The following TMC5 variants were observed in gnomAD, a reference collection of about 807,000 sequenced individuals.
The protein encoded by TMC5 is transmembrane channel-like protein 5.
Under a neutral mutation model 110.5 loss-of-function variants are expected in TMC5, and 86 were observed. The observed-to-expected ratio is 0.78, with a 90% CI of 0.65 to 0.93. The LOEUF is 0.93. TMC5 is among the 40% of genes least tolerant of loss of function. The probability of loss-of-function intolerance (pLI) is 0.00; values close to 1 mark genes in which losing one functional copy is unlikely to be tolerated. For missense variants in TMC5, 1,144 were observed against 1,222.8 expected, an observed-to-expected ratio of 0.94 and a Z score of 0.96; for synonymous variants, 455 against 439.5, an observed-to-expected ratio of 1.04 and a Z score of -0.44.
chr16:19,453,825 A>C (rs920899817), intron 5 of TMC5, among the ~76,000 whole-genome samples: 1 of 152,092 alleles, frequency 6.6e-6, no homozygotes, highest in Non-Finnish European at 1.5e-5. Context: ...TTGATGAATT[A>C]ATTATGCTGT....
At chr16:19,414,072 C>T (rs900683860), upstream of TMC5, among the ~76,000 whole-genome samples, 21 of 152,168 alleles carry the variant, frequency 1.4e-4, no homozygotes, top group African/African-American at 3.9e-4. Flanking sequence ...ATTCATAACC[C>T]ATCCAATGAC....
At chr16:19,442,317 A>G (rs1361260466) in intron 3 of TMC5, among the ~76,000 whole-genome samples, 1 of 142,076 alleles carries the variant, frequency 7.0e-6, no homozygotes, top group East Asian at 2.1e-4. Flanking sequence ...CGTTGCCAAC[A>G]AAATGTAATT....
intron 17 of TMC5, among the ~76,000 whole-genome samples, chr16:19,488,473 G>A (rs1567326498): frequency 6.6e-6 from 1 of 151,894 alleles, no homozygotes; most frequent in Non-Finnish European, 1.5e-5. Context: ...GGACTCATCT[G>A]GCTCCTCCCA....
chr16:19,427,234 A>C (rs753971128), intron 1 of TMC5, among the ~76,000 whole-genome samples: 79 of 152,324 alleles, frequency 5.2e-4, no homozygotes, highest in Non-Finnish European at 9.7e-4. Context: ...CCAGCGGATC[A>C]CTTGAGGCCA....
At chr16:19,437,448 A>G (rs1216443685) in intron 2 of TMC5, among the ~76,000 whole-genome samples, 1 of 152,226 alleles carries the variant, frequency 6.6e-6, no homozygotes, top group Non-Finnish European at 1.5e-5. Context: ...CAGGGACACA[A>G]TAATGAAACA....
At chr16:19,448,032 A>G (rs1389669262) in intron 4 of TMC5, among the ~76,000 whole-genome samples, 1 of 150,832 alleles carries the variant, frequency 6.6e-6, no homozygotes, top group African/African-American at 2.4e-5. Flanking sequence ...CATTTTCTCC[A>G]TTTCTCCCAG....
rs1484204018 is a variant in TMC5 at position 19,498,803 on chromosome 16, G to A, written c.*837G>A. 1 of 152,202 alleles carries A rather than the reference G, an allele frequency of 6.6e-6. No individual in the cohort carries two copies. The highest frequency in any genetic ancestry group is 1.9e-4 in the East Asian group (1 of 5,182). The allele number at this position is 152,202 out of a possible 1,614,324, so 9.4% of individuals were successfully genotyped here. On this transcript the variant is annotated 3_prime_UTR_variant, in exon 22 of 22. Coordinates refer to ENST00000542583, the MANE Select transcript of TMC5 (RefSeq NM_001261841.2). Reference sequence around the variant, plus strand: ...TAGCTGGGTGCGATGGCTTATGCCTGTAATCCCGGCACTTTGGGAGGCTGA... The same window carrying A: ...TAGCTGGGTGCGATGGCTTATGCCTATAATCCCGGCACTTTGGGAGGCTGA...
chr16:19,476,765 A>C (rs1033697177), intron 12 of TMC5, among the ~76,000 whole-genome samples: 4 of 152,202 alleles, frequency 2.6e-5, no homozygotes, highest in African/African-American at 9.6e-5. Context: ...CTTCGAACAC[A>C]AAGGTTTATT....
chr16:19,418,749 A>G (rs1966914408), intron 1 of TMC5, among the ~76,000 whole-genome samples: 1 of 132,406 alleles, frequency 7.6e-6, no homozygotes, highest in South Asian at 2.3e-4. Context: ...TTTTTTCGAG[A>G]CAATATCTCA....
At chr16:19,461,968 G>C (rs1174829893) in intron 6 of TMC5, among the ~76,000 whole-genome samples, 1 of 152,194 alleles carries the variant, frequency 6.6e-6, no homozygotes, top group East Asian at 1.9e-4. Flanking sequence ...AAAATGGAGA[G>C]AGGGGGCATT....
chr16:19,419,500 C>T (rs1311834650), intron 1 of TMC5, among the ~76,000 whole-genome samples: 1 of 148,808 alleles, frequency 6.7e-6, no homozygotes, highest in East Asian at 2.0e-4. Context: ...GCAAGCTCCG[C>T]CTCCCAGGTT....
intron 10 of TMC5, 125 bp from the exon 11 acceptor site, chr16:19,471,963 G>C: frequency 1.1e-6 from 1 of 926,810 alleles, no homozygotes; most frequent in African/African-American, 1.6e-5. Context: ...GTTTCACCAT[G>C]TTGTCCAGGC....
intron 4 of TMC5, among the ~76,000 whole-genome samples, chr16:19,445,561 G>T (rs113675038): frequency 1.3e-5 from 2 of 151,722 alleles, no homozygotes; most frequent in East Asian, 3.9e-4. Context: ...TACTTTCTAG[G>T]AGGAAAAAGA....
intron 17 of TMC5, among the ~76,000 whole-genome samples, chr16:19,489,186 C>T (rs1968823432): frequency 6.6e-6 from 1 of 152,164 alleles, no homozygotes; most frequent in Non-Finnish European, 1.5e-5. Flanking sequence ...CAATTTCTTT[C>T]TTTGAGACAG....
At chr16:19,474,018 G>A (rs552146655) in intron 11 of TMC5, 107 bp from the exon 12 acceptor site, 25 of 1,049,000 alleles carry the variant, frequency 2.4e-5, no homozygotes, top group Admixed American at 1.2e-4. Context: ...ATAGTTAACC[G>A]CAGAGGAGCT....
intron 10 of TMC5, among the ~76,000 whole-genome samples, chr16:19,471,578 A>G (rs1968342476): frequency 6.6e-6 from 1 of 152,290 alleles, no homozygotes; most frequent in African/African-American, 2.4e-5. Context: ...GGCCCATTTC[A>G]GAGTCCTCTA....
chr16:19,446,310 G>A (rs1967614137), intron 4 of TMC5, among the ~76,000 whole-genome samples: 1 of 152,156 alleles, frequency 6.6e-6, no homozygotes, highest in Admixed American at 6.5e-5. Flanking sequence ...TATAAAGCAG[G>A]GATACACATG....
intron 10 of TMC5, among the ~76,000 whole-genome samples, chr16:19,470,808 C>T (rs1232793686): frequency 6.8e-6 from 1 of 146,526 alleles, no homozygotes; most frequent in South Asian, 2.2e-4. Context: ...ACGAGGCAGG[C>T]ATATCATGAG....
At chr16:19,486,591 G>T (rs2143728260) in intron 15 of TMC5, among the ~76,000 whole-genome samples, 1 of 152,054 alleles carries the variant, frequency 6.6e-6, no homozygotes, top group South Asian at 2.1e-4. Flanking sequence ...TGCCCAGGCT[G>T]GTCTTGAACT....
Sources: allele counts gnomAD v4.1 joint callset (sites outside exome capture counted in the v4.1 genomes callset), GRCh38; gene constraint gnomAD v4.1.1; transcripts MANE v1.5; gene names NCBI Gene and HGNC (gene_info 2026-07-23, HGNC 2026-07-21).